Variants in PPARGC1A observed in about 807,000 individuals in gnomAD.
PPARGC1A encodes peroxisome proliferator-activated receptor gamma coactivator 1-alpha.
In PPARGC1A, 25 loss-of-function variants were observed where a neutral mutation model predicts 88.7. That is an observed-to-expected ratio of 0.28 (90% CI 0.21 to 0.39). PPARGC1A has a LOEUF of 0.39. PPARGC1A is among the 10% of genes least tolerant of loss of function. The pLI is 1.00. For synonymous variants in PPARGC1A, 363 were observed against 355.6 expected (o/e 1.02, Z -0.24); for missense variants, 880 against 968.7 (o/e 0.91, Z 1.22).
chr4:23,799,771 A>G (rs1402090976), intron 12 of PPARGC1A, among the ~76,000 whole-genome samples: 1 of 152,072 alleles, frequency 6.6e-6, no homozygotes, highest in Non-Finnish European at 1.5e-5. Flanking sequence ...ATACCATCCA[A>G]TCCTCCCTCT....
the PPARGC1A span, among the ~76,000 whole-genome samples, chr4:24,153,126 G>A: frequency 6.6e-6 from 1 of 152,176 alleles, no homozygotes; most frequent in Non-Finnish European, 1.5e-5. Flanking sequence ...CAGATTCAGA[G>A]AAGGTAACTA....
the PPARGC1A span, among the ~76,000 whole-genome samples, chr4:24,413,196 T>C: frequency 6.6e-6 from 1 of 151,882 alleles, no homozygotes; most frequent in African/African-American, 2.4e-5. Flanking sequence ...ATTCAGACTG[T>C]GTTTTCCCCT....
At chr4:24,247,191 G>A in the PPARGC1A span, among the ~76,000 whole-genome samples, 2 of 151,912 alleles carry the variant, frequency 1.3e-5, no homozygotes, top group African/African-American at 2.4e-5. Context: ...ACATCCTCTC[G>A]ACCCACCACC....
chr4:23,976,349 G>C, the PPARGC1A span, among the ~76,000 whole-genome samples: 2 of 152,178 alleles, frequency 1.3e-5, no homozygotes, highest in Admixed American at 6.5e-5. Context: ...AGATAAGTGG[G>C]ATATTAAAAG....
At chr4:24,308,329 GAAAGA>G in the PPARGC1A span, among the ~76,000 whole-genome samples, 1 of 144,700 alleles carries the variant, frequency 6.9e-6, no homozygotes, top group African/African-American at 2.5e-5. Flanking sequence ...AAAGAAAAAA[GAAAGA>G]AAAGAAATCA....
chr4:24,043,816 C>T, the PPARGC1A span, among the ~76,000 whole-genome samples: 1 of 152,058 alleles, frequency 6.6e-6, no homozygotes, highest in South Asian at 2.1e-4. Context: ...AAACGGGTTA[C>T]TATATAGCAA....
chr4:23,827,856 G>A (rs935170452), intron 5 of PPARGC1A, among the ~76,000 whole-genome samples: 14 of 151,860 alleles, frequency 9.2e-5, no homozygotes, highest in Admixed American at 9.2e-4. Flanking sequence ...GAAGAGGAAG[G>A]GGAGAAAGCA....
At position 23,801,807 on chromosome 4, in the gene PPARGC1A, C is replaced by A. The variant is rs145169644; in HGVS notation, c.2216G>T (p.Arg739Leu). The A allele has an allele frequency of 1.9e-6, 3 of 1,613,964 alleles. No individual in the cohort carries two copies. Among genetic ancestry groups the A allele is most frequent in the Admixed American group, 1.7e-5 (1 of 60,020 alleles). The change falls in exon 12 of 13, where the codon CGC becomes CTC. Residue 739 changes from arginine to leucine, a missense_variant. Transcript: ENST00000264867. ...FAALENGYTL[R>L]RSNETDFELY... is the part of the protein sequence containing the mutation. ...CTCAAAGTCAGTTTCGTTTGACCTGCGCAAAGTGTATCCATTTTCAAGAGC... is the reference window on the plus strand; with the variant it reads ...CTCAAAGTCAGTTTCGTTTGACCTGAGCAAAGTGTATCCATTTTCAAGAGC...
the PPARGC1A span, among the ~76,000 whole-genome samples, chr4:24,119,335 T>A: frequency 8.1e-3 from 1,229 of 152,280 alleles, 6 homozygotes; most frequent in Non-Finnish European, 0.014. Flanking sequence ...ACATTCGGAA[T>A]GTCTCTCAAA....
the PPARGC1A span, among the ~76,000 whole-genome samples, chr4:24,316,127 A>G: frequency 6.6e-6 from 1 of 152,218 alleles, no homozygotes; most frequent in African/African-American, 2.4e-5. Context: ...AGGACCATGA[A>G]TGTTTTCATC....
chr4:24,219,644 G>T, the PPARGC1A span, among the ~76,000 whole-genome samples: 1 of 152,136 alleles, frequency 6.6e-6, no homozygotes, highest in Non-Finnish European at 1.5e-5. Context: ...GACTCCAGAG[G>T]CCCCTCCTCC....
chr4:24,356,259 A>T, the PPARGC1A span, among the ~76,000 whole-genome samples: 1 of 152,074 alleles, frequency 6.6e-6, no homozygotes, highest in African/African-American at 2.4e-5. Flanking sequence ...GCATGTGTGA[A>T]TTGCACAGGG....
chr4:23,802,383 A>T, intron 10 of PPARGC1A, 38 bp from the exon 11 acceptor site: 1 of 1,613,154 alleles, frequency 6.2e-7, no homozygotes, highest in Non-Finnish European at 8.5e-7. Flanking sequence ...TGGAGTGGGA[A>T]AAAAGCTAGC....
chr4:24,465,156 G>A, the PPARGC1A span, among the ~76,000 whole-genome samples: 764 of 152,210 alleles, frequency 5.0e-3, 9 homozygotes, highest in African/African-American at 0.017. Flanking sequence ...GCGAAAAACC[G>A]TGCTCTGGCA....
At chr4:24,285,054 T>TAA in the PPARGC1A span, among the ~76,000 whole-genome samples, 3 of 151,606 alleles carry the variant, frequency 2.0e-5, no homozygotes, top group African/African-American at 7.3e-5. Context: ...AAGAAGAAGT[T>TAA]AAAAAAAATC....
At chr4:24,350,274 G>A in the PPARGC1A span, among the ~76,000 whole-genome samples, 1 of 152,142 alleles carries the variant, frequency 6.6e-6, no homozygotes, top group Non-Finnish European at 1.5e-5. Flanking sequence ...CAAAGTGCTG[G>A]GATTACAGGC....
the PPARGC1A span, among the ~76,000 whole-genome samples, chr4:24,389,379 C>T: frequency 6.6e-6 from 1 of 152,080 alleles, no homozygotes; most frequent in Non-Finnish European, 1.5e-5. Flanking sequence ...AAGGAGGCTC[C>T]AGAGTCAGAG....
the PPARGC1A span, among the ~76,000 whole-genome samples, chr4:23,961,838 T>C: frequency 6.6e-6 from 1 of 152,134 alleles, no homozygotes; most frequent in Admixed American, 6.6e-5. Flanking sequence ...TCTGAAATCA[T>C]CCTTTTACCC....
the PPARGC1A span, among the ~76,000 whole-genome samples, chr4:23,962,863 G>A: frequency 1.3e-5 from 2 of 152,244 alleles, no homozygotes; most frequent in Admixed American, 6.5e-5. Flanking sequence ...ACTAAAAGAA[G>A]GGAGGCCTCT....
Sources: gnomAD v4.1 joint callset for allele counts (sites outside exome capture counted in the v4.1 genomes callset) on GRCh38, gnomAD v4.1.1 for gene constraint, MANE v1.5 for transcripts, NCBI Gene and HGNC (gene_info 2026-07-23, HGNC 2026-07-21) for gene names.